The following OR10H5 variants were observed in gnomAD, a reference collection of about 807,000 sequenced individuals.
OR10H5 encodes olfactory receptor 10H5.
A neutral mutation model predicts 12.2 loss-of-function variants in OR10H5; 7 were observed. The observed-to-expected ratio is 0.57, with a 90% CI of 0.33 to 1.07. OR10H5 has a LOEUF of 1.07. Ranked by LOEUF, OR10H5 falls within the 50% of genes least tolerant of loss-of-function variation. The pLI is 0.04. For missense variants in OR10H5, 346 were observed against 411.6 expected, an observed-to-expected ratio of 0.84 and a Z score of 1.38; for synonymous variants, 159 against 175.1, an observed-to-expected ratio of 0.91 and a Z score of 0.73.
At position 15,799,996 on chromosome 19, in the gene OR10H5, G is replaced by C. The variant is rs1555766304; in HGVS notation, c.*5000G>C. On this transcript the variant is annotated 3_prime_UTR_variant, in exon 2 of 2. Coordinates refer to ENST00000642092, the MANE Select transcript of OR10H5 (RefSeq NM_001004466.2). ...TGGGGTTACAGGCATGAGCCACCACGCCTGGCCCCTTGCATCTACTCTTGC... is the reference window on the plus strand; with the variant it reads ...TGGGGTTACAGGCATGAGCCACCACCCCTGGCCCCTTGCATCTACTCTTGC... 6.6e-6 allele frequency: 1 copy of C among 152,082 alleles called. No individual in the cohort carries two copies. Among genetic ancestry groups the C allele is most frequent in the African/African-American group, 2.4e-5 (1 of 41,356 alleles). The allele number at this position is 152,082 out of a possible 1,614,324, so 9.4% of individuals were successfully genotyped here.
At position 15,794,427 on chromosome 19, in the gene OR10H5, T is replaced by G; in HGVS notation, c.379T>G (p.Cys127Gly). Residue 127 changes from cysteine to glycine, a missense_variant, in exon 2 of 2, where the codon TGC (cysteine) becomes GGC (glycine). Physicochemically the swap from Cys to Gly is radical, Grantham distance 159. Transcript: ENST00000642092. ...GGGCTACGACCGCTACGTGGCCATC[T>G]GCCACCCCCTGCGTTACAACGTGCT... is the stretch of plus-strand genomic sequence containing the variant. ...VMGYDRYVAI[C>G]HPLRYNVLMS... 6.2e-7 allele frequency: 1 copy of G among 1,614,240 alleles called. No homozygotes were observed. The highest frequency in any genetic ancestry group is 8.5e-7 in the Non-Finnish European group (1 of 1,180,046).
intron 1 of OR10H5, among the ~76,000 whole-genome samples, chr19:15,792,813 C>T (rs2088815212): frequency 6.6e-6 from 1 of 151,990 alleles, no homozygotes; most frequent in Admixed American, 6.6e-5. Context: ...GTGGCAGGTA[C>T]ATTATGAGCA....
intron 1 of OR10H5, 103 bp from the exon 2 acceptor site, chr19:15,793,935 G>T: frequency 2.1e-6 from 2 of 962,944 alleles, no homozygotes; most frequent in Non-Finnish European, 3.1e-6. Flanking sequence ...ACCATGGCTT[G>T]GACAGATGAA....
chr19:15,799,063 A>C lies in OR10H5; in HGVS notation c.*4067A>C, dbSNP rs1045981074. 6.6e-6 allele frequency: 1 copy of C among 152,140 alleles called. No individual in the cohort carries two copies. Among genetic ancestry groups the C allele is most frequent in the African/African-American group, 2.4e-5 (1 of 41,408 alleles). 9.4% of individuals were successfully genotyped at this position (152,140 alleles called of 1,614,324 possible). On this transcript the variant is annotated 3_prime_UTR_variant, in exon 2 of 2. Coordinates refer to ENST00000642092, the MANE Select transcript of OR10H5 (RefSeq NM_001004466.2). ...TGAGCCACCACATCCAGCCAGAAGG[A>C]TCTTTCTAAAGGGAAACTCTGAAAA...
At chr19:15,793,856 G>A in intron 1 of OR10H5, 182 bp from the exon 2 acceptor site, 2 of 602,932 alleles carry the variant, frequency 3.3e-6, no homozygotes, top group South Asian at 4.3e-5. Context: ...TCCAGCCTGG[G>A]TGACAGAGCG....
In OR10H5 at chr19:15,799,321, C is replaced by T. The variant is rs2088856138; in HGVS notation, c.*4325C>T. The T allele has an allele frequency of 6.6e-6, 1 of 152,026 alleles. No individual in the cohort carries two copies. The highest frequency in any genetic ancestry group is 1.5e-5 in the Non-Finnish European group (1 of 68,014). 9.4% of individuals were successfully genotyped at this position (152,026 alleles called of 1,614,324 possible). On this transcript the variant is annotated 3_prime_UTR_variant, in exon 2 of 2. Coordinates refer to ENST00000642092, the MANE Select transcript of OR10H5 (RefSeq NM_001004466.2). ...GATTGGGGCATGAAATCTTCCATTC[C>T]TCTTTGCATTGCTGGTTTGCATTAT...
intron 1 of OR10H5, among the ~76,000 whole-genome samples, chr19:15,789,786 C>CTTTTCTT (rs111411516): frequency 1.5e-5 from 2 of 137,646 alleles, no homozygotes; most frequent in Non-Finnish European, 3.1e-5. Context: ...CTTTTCTTTT[C>CTTTTCTT]TTTTTTTTTT....
chr19:15,794,099 C>A lies in OR10H5; in HGVS notation c.51C>A (p.Phe17Leu), dbSNP rs762249175. The stretch of plus-strand genomic sequence containing the variant: ...TGTCTGAATTCATCCTCGTTGGCTT[C>A]TCTGCCTTCCCCCACCTCCAGCTGA... ...TSVSEFILVG[F>L]SAFPHLQLML... The change falls in exon 2 of 2, where the codon TTC (phenylalanine) becomes TTA (leucine). Residue 17 changes from phenylalanine (F) to leucine (L), a missense_variant. Phe to Leu is a conservative substitution (Grantham distance 22). Transcript: ENST00000642092. 3 of 1,613,988 alleles carry A rather than the reference C, an allele frequency of 1.9e-6. No individual in the cohort carries two copies. In the African/African-American group the frequency reaches 4.0e-5, roughly 22 times the overall value.
chr19:15,787,711 A>C lies in OR10H5; in HGVS notation c.-17A>C, dbSNP rs1371241346. On this transcript the variant is annotated 5_prime_UTR_variant, in exon 1 of 2. It removes an upstream start codon present in the reference 5' UTR. Coordinates refer to ENST00000642092, the MANE Select transcript of OR10H5 (RefSeq NM_001004466.2). The stretch of plus-strand genomic sequence containing the variant: ...TGCAAGGCGTCCCTAAAGGTCTCTG[A>C]TGAAGGTAAGTGGAGTCGTCTATTT... 1 of 152,376 alleles carries C rather than the reference A, an allele frequency of 6.6e-6. No individual in the cohort carries two copies. Among genetic ancestry groups the C allele is most frequent in the Non-Finnish European group, 1.5e-5 (1 of 68,162 alleles). 9.4% of individuals were successfully genotyped at this position (152,376 alleles called of 1,614,324 possible). A position where few individuals can be genotyped will look rare whatever the true frequency, so the allele number is the denominator to read the frequency against.
chr19:15,789,985 C>G (rs553863765), intron 1 of OR10H5, among the ~76,000 whole-genome samples: 1 of 152,180 alleles, frequency 6.6e-6, no homozygotes, highest in Non-Finnish European at 1.5e-5. Flanking sequence ...TGGGATCTCA[C>G]TATGTTGCCC....
chr19:15,800,259 C>T lies in OR10H5; in HGVS notation c.*5263C>T, dbSNP rs575526899. 1 of 152,200 alleles carries T rather than the reference C, an allele frequency of 6.6e-6. No individual in the cohort carries two copies. The highest frequency in any genetic ancestry group is 2.1e-4 in the South Asian group (1 of 4,828). 9.4% of individuals were successfully genotyped at this position (152,200 alleles called of 1,614,324 possible). ...CTCTTTCTAGGGCAGACATTGAGAT[C>T]GGGATGTCTTATCTAATTGGTTCAA... On this transcript the variant is annotated 3_prime_UTR_variant, in exon 2 of 2. Coordinates refer to ENST00000642092, the MANE Select transcript of OR10H5 (RefSeq NM_001004466.2).
Position 15,794,962 on chromosome 19 carries a change from C to T in OR10H5, c.914C>T (p.Thr305Ile), listed in dbSNP as rs138025339. 385 of 1,614,070 alleles carry T rather than the reference C, an allele frequency of 2.4e-4. No homozygotes were observed. Among genetic ancestry groups the T allele is most frequent in the Non-Finnish European group, 2.9e-4 (343 of 1,180,038 alleles). The change falls in exon 2 of 2, where the codon ACT becomes ATT. Residue 305 changes from threonine to isoleucine, a missense_variant. By Grantham distance (89) the Thr-to-Ile change is moderately conservative (BLOSUM62 -1). Transcript: ENST00000642092. The stretch of plus-strand genomic sequence containing the variant: ...GAGCTGAAGGTCGCCATGAAGAAGA[C>T]TTGCTTCACCAAACTCTTTCCACAG... Reference protein sequence around the residue: ...NKELKVAMKKTCFTKLFPQNC With the variant: ...NKELKVAMKKICFTKLFPQNC
At position 15,796,617 on chromosome 19, in the gene OR10H5, A is replaced by G. The variant is rs910670903; in HGVS notation, c.*1621A>G. 6.6e-6 allele frequency: 1 copy of G among 152,048 alleles called. No individual in the cohort carries two copies. The highest frequency in any genetic ancestry group is 1.5e-5 in the Non-Finnish European group (1 of 68,036). 9.4% of individuals were successfully genotyped at this position (152,048 alleles called of 1,614,324 possible). On this transcript the variant is annotated 3_prime_UTR_variant, in exon 2 of 2. Coordinates refer to ENST00000642092, the MANE Select transcript of OR10H5 (RefSeq NM_001004466.2). ...AAAAAAATTAAAAAATTAGCTAGAC[A>G]TGGCTGCATGTGCCTGTAGTACCAG...
rs140767663 is a variant in OR10H5 at position 15,794,480 on chromosome 19, G to A, written c.432G>A (p.Arg144=). Residue 144 remains arginine (R), a synonymous_variant, in exon 2 of 2, where the codon CGG becomes CGA. Coordinates refer to ENST00000642092, the MANE Select transcript of OR10H5 (RefSeq NM_001004466.2). ...VLMSLRGCTC[R]VGCSWAGGLV... is the part of the protein sequence containing the mutation. ...TGAGCCTGCGGGGCTGCACCTGCCG[G>A]GTGGGCTGCTCCTGGGCTGGTGGCT... 3 of 1,614,206 alleles carry A rather than the reference G, an allele frequency of 1.9e-6. No homozygotes were observed. Among genetic ancestry groups the A allele is most frequent in the Non-Finnish European group, 2.5e-6 (3 of 1,180,030 alleles).
rs758339662 is a variant in OR10H5 at position 15,794,799 on chromosome 19, G to A, written c.751G>A (p.Val251Met). The change falls in exon 2 of 2, where the codon GTG (valine) becomes ATG (methionine). Residue 251 changes from valine to methionine, a missense_variant. Transcript: ENST00000642092. Reference sequence around the variant, plus strand: ...TGCCTCTCACCTCACTGTGGTGGTCGTGCACTATGGCTTTGCCTCCGTCAT... The same window carrying A: ...TGCCTCTCACCTCACTGTGGTGGTCATGCACTATGGCTTTGCCTCCGTCAT... ...TCASHLTVVV[V>M]HYGFASVIYL... is the part of the protein sequence containing the mutation. 1.8e-5 allele frequency: 29 copies of A among 1,613,924 alleles called. No homozygotes were observed. Among genetic ancestry groups the A allele is most frequent in the African/African-American group, 8.0e-5 (6 of 74,888 alleles).
Position 15,796,098 on chromosome 19 carries a change from T to A in OR10H5, c.*1102T>A, listed in dbSNP as rs1375620976. 1 of 152,182 alleles carries A rather than the reference T, an allele frequency of 6.6e-6. No individual in the cohort carries two copies. 9.4% of individuals were successfully genotyped at this position (152,182 alleles called of 1,614,324 possible). A position where few individuals can be genotyped will look rare whatever the true frequency, so the allele number is the denominator to read the frequency against. ...AGTTCTATTCTGAAGATGAGGAAGC[T>A]AAGTTATGAAGAGATTAAGTTAATT... On this transcript the variant is annotated 3_prime_UTR_variant, in exon 2 of 2. Transcript: ENST00000642092.
rs2088853837 is a variant in OR10H5 at position 15,798,855 on chromosome 19, C to T, written c.*3859C>T. The T allele has an allele frequency of 6.9e-6, 1 of 144,908 alleles. No homozygotes were observed. The highest frequency in any genetic ancestry group is 2.2e-4 in the South Asian group (1 of 4,514). 9.0% of individuals were successfully genotyped at this position (144,908 alleles called of 1,614,324 possible). A position where few individuals can be genotyped will look rare whatever the true frequency, so the allele number is the denominator to read the frequency against. On this transcript the variant is annotated 3_prime_UTR_variant, in exon 2 of 2. Transcript: ENST00000642092. ...CACTGCAGCCTCTGCCTCCCGGGTTCAAGCGATTTTTCTGCCTCAGCTTCC... is the reference window on the plus strand; with the variant it reads ...CACTGCAGCCTCTGCCTCCCGGGTTTAAGCGATTTTTCTGCCTCAGCTTCC...
At position 15,797,171 on chromosome 19, in the gene OR10H5, A is replaced by G. The variant is rs1322815343; in HGVS notation, c.*2175A>G. 2 of 152,112 alleles carry G rather than the reference A, an allele frequency of 1.3e-5. No homozygotes were observed. The highest frequency in any genetic ancestry group is 2.1e-4 in the South Asian group (1 of 4,818). The allele number at this position is 152,112 out of a possible 1,614,324, so 9.4% of individuals were successfully genotyped here. ...AGAAGAAGTTCTAGGGCACTTAACT[A>G]CTAATATCTGGGGGGGCATTCTTTG... is the stretch of plus-strand genomic sequence containing the variant. On this transcript the variant is annotated 3_prime_UTR_variant, in exon 2 of 2. Coordinates refer to ENST00000642092, the MANE Select transcript of OR10H5 (RefSeq NM_001004466.2).
rs548494346 is a variant in OR10H5 at position 15,797,396 on chromosome 19, T to C, written c.*2400T>C. 6.6e-6 allele frequency: 1 copy of C among 152,146 alleles called. No homozygotes were observed. Among genetic ancestry groups the C allele is most frequent in the African/African-American group, 2.4e-5 (1 of 41,420 alleles). The allele number at this position is 152,146 out of a possible 1,614,324, so 9.4% of individuals were successfully genotyped here. ...AGGTAAAAATCAGACTGTGTGAGTT[T>C]GAAAGAGTGCAGGAAAGGTGGCTTC... is the stretch of plus-strand genomic sequence containing the variant. On this transcript the variant is annotated 3_prime_UTR_variant, in exon 2 of 2. Transcript: ENST00000642092.
Sources: gnomAD v4.1 joint callset for allele counts (sites outside exome capture counted in the v4.1 genomes callset) on GRCh38, gnomAD v4.1.1 for gene constraint, MANE v1.5 for transcripts, NCBI Gene and HGNC (gene_info 2026-07-23, HGNC 2026-07-21) for gene names.